The following LRRTM4 variants were observed in gnomAD, a reference collection of about 807,000 sequenced individuals.
LRRTM4 encodes leucine-rich repeat transmembrane neuronal protein 4.
LRRTM4 carries 25 observed loss-of-function variants against 47.6 expected under a neutral mutation model. That is an observed-to-expected ratio of 0.53 (90% CI 0.38 to 0.73). The LOEUF is 0.73. Ranked by LOEUF, LRRTM4 falls within the 30% of genes least tolerant of loss-of-function variation. The pLI, the probability that LRRTM4 is intolerant of heterozygous loss-of-function variation, is 0.00. For synonymous variants in LRRTM4, 311 were observed against 269.5 expected, an observed-to-expected ratio of 1.15 and a Z score of -1.51; for missense variants, 638 against 713.4, an observed-to-expected ratio of 0.89 and a Z score of 1.20.
intron 3 of LRRTM4, among the ~76,000 whole-genome samples, chr2:76,854,367 A>G (rs757670411): frequency 6.6e-6 from 1 of 152,164 alleles, no homozygotes; most frequent in Non-Finnish European, 1.5e-5. Flanking sequence ...CAATAAATGT[A>G]TAAATCATTA....
chr2:77,218,485 T>G (rs1674521972), intron 3 of LRRTM4, among the ~76,000 whole-genome samples: 1 of 151,376 alleles, frequency 6.6e-6, no homozygotes, highest in South Asian at 2.1e-4. Flanking sequence ...TGCCATATAC[T>G]TCCACTCCAT....
At chr2:77,190,291 C>A (rs1478113154) in intron 3 of LRRTM4, among the ~76,000 whole-genome samples, 1 of 103,898 alleles carries the variant, frequency 9.6e-6, no homozygotes, top group Non-Finnish European at 1.8e-5. Flanking sequence ...GCATTTTCAT[C>A]TTTTTTTTTT....
chr2:77,511,520 C>T (rs1449540456), intron 3 of LRRTM4, among the ~76,000 whole-genome samples: 1 of 151,352 alleles, frequency 6.6e-6, no homozygotes, highest in Non-Finnish European at 1.5e-5. Context: ...TATATATTTG[C>T]TTATTTATTT....
At chr2:76,797,800 G>C (rs1675429656) in intron 3 of LRRTM4, among the ~76,000 whole-genome samples, 1 of 150,922 alleles carries the variant, frequency 6.6e-6, no homozygotes, top group South Asian at 2.1e-4. Flanking sequence ...AACAAAAAAA[G>C]GCAGGGGTTG....
intron 3 of LRRTM4, among the ~76,000 whole-genome samples, chr2:77,270,291 C>T (rs1358962227): frequency 6.6e-6 from 1 of 152,050 alleles, no homozygotes; most frequent in East Asian, 1.9e-4. Context: ...GTCTTGCTCT[C>T]GGTTTGCCAA....
At chr2:77,198,527 GATTA>G (rs1673888956) in intron 3 of LRRTM4, among the ~76,000 whole-genome samples, 1 of 152,140 alleles carries the variant, frequency 6.6e-6, no homozygotes, top group African/African-American at 2.4e-5. Context: ...TTAAAATTAA[GATTA>G]ATTGTGATTC....
chr2:77,348,293 T>C (rs1425429249), intron 3 of LRRTM4, among the ~76,000 whole-genome samples: 2 of 151,724 alleles, frequency 1.3e-5, no homozygotes, highest in Non-Finnish European at 3.0e-5. Flanking sequence ...AAGGTTTTCA[T>C]AATACAATAC....
chr2:77,003,721 G>A (rs1319184054), intron 3 of LRRTM4, among the ~76,000 whole-genome samples: 1 of 152,096 alleles, frequency 6.6e-6, no homozygotes, highest in Non-Finnish European at 1.5e-5. Context: ...ACTGGGTAGT[G>A]GGACACTGCT....
At chr2:77,487,054 G>C (rs1163463318) in intron 3 of LRRTM4, among the ~76,000 whole-genome samples, 1 of 152,162 alleles carries the variant, frequency 6.6e-6, no homozygotes, top group Non-Finnish European at 1.5e-5. Flanking sequence ...AAATTAAATA[G>C]AAGTAATGGC....
intron 3 of LRRTM4, among the ~76,000 whole-genome samples, chr2:76,926,140 CCTT>C (rs906305981): frequency 2.8e-4 from 42 of 152,094 alleles, no homozygotes; most frequent in Middle Eastern, 3.4e-3. Context: ...AAAATTGTCT[CCTT>C]CTTTTGGATT....
intron 3 of LRRTM4, among the ~76,000 whole-genome samples, chr2:77,310,165 A>ATAACTAAAAAGG (rs1677412243): frequency 1.3e-5 from 2 of 152,188 alleles, no homozygotes; most frequent in African/African-American, 4.8e-5. Context: ...TCATATGTTT[A>ATAACTAAAAAGG]TAACTAAAAA....
chr2:77,360,995 C>G (rs1306474394), intron 3 of LRRTM4, among the ~76,000 whole-genome samples: 1 of 152,066 alleles, frequency 6.6e-6, no homozygotes, highest in Non-Finnish European at 1.5e-5. Flanking sequence ...CACTGTGCCT[C>G]TCTGTTTCTG....
At chr2:76,834,973 C>G (rs1288309732) in intron 3 of LRRTM4, among the ~76,000 whole-genome samples, 2 of 152,100 alleles carry the variant, frequency 1.3e-5, no homozygotes, top group African/African-American at 4.8e-5. Context: ...TGCAGCCTAA[C>G]TCTGGTTTCC....
intron 3 of LRRTM4, among the ~76,000 whole-genome samples, chr2:76,777,393 A>G (rs1267974564): frequency 6.9e-6 from 1 of 145,178 alleles, no homozygotes; most frequent in Non-Finnish European, 1.5e-5. Context: ...ACCCATGAGC[A>G]TGGAATGTTC....
chr2:76,807,928 CT>C (rs1670590023), intron 3 of LRRTM4, among the ~76,000 whole-genome samples: 2 of 108,196 alleles, frequency 1.8e-5, no homozygotes, highest in East Asian at 3.0e-4. Context: ...CCTTTCTTTC[CT>C]TTCCTTTCTT....
At chr2:76,900,250 A>G (rs1673577418) in intron 3 of LRRTM4, among the ~76,000 whole-genome samples, 1 of 152,066 alleles carries the variant, frequency 6.6e-6, no homozygotes, top group South Asian at 2.1e-4. Context: ...TAATTGAAAA[A>G]CCAAAACCAA....
intron 3 of LRRTM4, among the ~76,000 whole-genome samples, chr2:76,824,548 A>T (rs1671139704): frequency 6.7e-6 from 1 of 149,050 alleles, no homozygotes; most frequent in South Asian, 2.1e-4. Flanking sequence ...CTAAGGAAAG[A>T]GTAGGCAGAC....
chr2:76,947,852 G>T (rs2103878648), intron 3 of LRRTM4, among the ~76,000 whole-genome samples: 2 of 151,898 alleles, frequency 1.3e-5, no homozygotes, highest in African/African-American at 4.8e-5. Flanking sequence ...ATTTACAGCA[G>T]ATTCTTATCA....
intron 3 of LRRTM4, among the ~76,000 whole-genome samples, chr2:76,913,543 A>ATTTTTT (rs58615415): frequency 4.1e-5 from 5 of 121,484 alleles, no homozygotes; most frequent in Admixed American, 1.9e-4. Flanking sequence ...TCCTATTTCA[A>ATTTTTT]TTTTTTTTTT....
Sources: allele counts gnomAD v4.1 joint callset (sites outside exome capture counted in the v4.1 genomes callset), GRCh38; gene constraint gnomAD v4.1.1; transcripts MANE v1.5; gene names NCBI Gene and HGNC (gene_info 2026-07-23, HGNC 2026-07-21).